ISLR2: variants seen among roughly 807,000 people sequenced by gnomAD.
ISLR2 encodes immunoglobulin superfamily containing leucine rich repeat 2.
A neutral mutation model predicts 25.5 loss-of-function variants in ISLR2; 16 were observed. The observed-to-expected ratio is 0.63, with a 90% CI of 0.43 to 0.95. The LOEUF is 0.95. Ranked by LOEUF, ISLR2 falls within the 40% of genes least tolerant of loss-of-function variation. The pLI, the probability that ISLR2 is intolerant of heterozygous loss-of-function variation, is 0.00. For synonymous variants in ISLR2, 508 were observed against 486.6 expected, an observed-to-expected ratio of 1.04 and a Z score of -0.58; for missense variants, 883 against 1,030.7, an observed-to-expected ratio of 0.86 and a Z score of 1.96.
chr15:74,125,405 C>T (rs2072287014), upstream of ISLR2, among the ~76,000 whole-genome samples: 1 of 151,974 alleles, frequency 6.6e-6, no homozygotes. Flanking sequence ...CCACGCCCAA[C>T]TAATTTAAAA....
At chr15:74,128,914 G>A (rs752842880), upstream of ISLR2, 1 of 377,944 alleles carries the variant, frequency 2.6e-6, no homozygotes, top group South Asian at 1.8e-5. Context: ...TGGCCCCGCC[G>A]TCTGCCTCCT....
upstream of ISLR2, chr15:74,129,230 C>T (rs2072352076): frequency 2.8e-6 from 1 of 360,106 alleles, no homozygotes; most frequent in Non-Finnish European, 5.5e-6. This position sits in a 1 kb window ranked among gnomAD's most constrained non-coding sequence, Gnocchi z 4.5. Context: ...GGGAGGGACG[C>T]TTGGAGTGTG....
chr15:74,136,949 T>G (rs551008828), downstream of ISLR2: 12 of 154,710 alleles, frequency 7.8e-5, no homozygotes, highest in Non-Finnish European at 1.0e-4. Flanking sequence ...TGTGATTTTT[T>G]TGCCAGGTGT....
Position 74,134,896 on chromosome 15 carries a change from G to A in ISLR2, c.2142G>A (p.Glu714=), listed in dbSNP as rs1434898934. The change falls in exon 3 of 3, where the codon GAG becomes GAA. Residue 714 remains glutamate, a synonymous_variant. Transcript: ENST00000453268. ...SQSKANQEEF[E]AGSEYSDRLP... ...CCAAGGCCAACCAAGAGGAGTTCGA[G>A]GCGGGCTCTGAGTACAGCGATCGGC... The A allele has an allele frequency of 2.5e-6, 4 of 1,613,994 alleles. No individual in the cohort carries two copies. The highest frequency in any genetic ancestry group is 3.4e-6 in the Non-Finnish European group (4 of 1,180,046).
intron 2 of ISLR2, among the ~76,000 whole-genome samples, chr15:74,112,529 CT>C (rs537213682): frequency 0.035 from 4,975 of 141,908 alleles, 106 homozygotes; most frequent in Non-Finnish European, 0.055. Context: ...TATGGGTCTG[CT>C]TTTTTTTTTT....
intron 2 of ISLR2, among the ~76,000 whole-genome samples, chr15:74,109,275 G>A (rs1215602842): frequency 1.3e-5 from 2 of 151,984 alleles, no homozygotes; most frequent in East Asian, 3.9e-4. Flanking sequence ...AACAGGCCAC[G>A]CATTGTGAGG....
chr15:74,113,507 T>C (rs2072186919), intron 2 of ISLR2, among the ~76,000 whole-genome samples: 1 of 152,232 alleles, frequency 6.6e-6, no homozygotes, highest in South Asian at 2.1e-4. Flanking sequence ...TCTCGCTTTT[T>C]CACACATCTA....
intron 2 of ISLR2, among the ~76,000 whole-genome samples, chr15:74,109,622 C>T (rs901269377): frequency 2.6e-5 from 4 of 152,170 alleles, no homozygotes; most frequent in African/African-American, 4.8e-5. Flanking sequence ...CGATTCTCAC[C>T]GGGAGGGCTT....
chr15:74,125,070 C>G (rs1221136500), upstream of ISLR2, among the ~76,000 whole-genome samples: 1 of 152,222 alleles, frequency 6.6e-6, no homozygotes, highest in Non-Finnish European at 1.5e-5. Flanking sequence ...CCCTGCCTCA[C>G]CCGGCCCTAC....
At position 74,134,356 on chromosome 15, in the gene ISLR2, A is replaced by G; in HGVS notation, c.1602A>G (p.Pro534=). ...RRPLRLLYLC[P]AGGGAAVQWS... is the part of the protein sequence containing the mutation. Reference sequence around the variant, plus strand: ...CCCTGCGCCTACTCTATCTGTGTCCAGCGGGGGGCGGCGCGGCAGTGCAGT... The same window carrying G: ...CCCTGCGCCTACTCTATCTGTGTCCGGCGGGGGGCGGCGCGGCAGTGCAGT... Residue 534 remains proline, a synonymous_variant, in exon 3 of 3, where the codon CCA becomes CCG. Transcript: ENST00000453268. 6.3e-7 allele frequency: 1 copy of G among 1,596,904 alleles called. No individual in the cohort carries two copies. The highest frequency in any genetic ancestry group is 8.5e-7 in the Non-Finnish European group (1 of 1,173,976).
rs202205145 is a variant in ISLR2, at chr15:74,133,194, C to T, written c.440C>T (p.Pro147Leu). 93 of 1,613,108 alleles carry T rather than the reference C, an allele frequency of 5.8e-5. No homozygotes were observed. The highest frequency in any genetic ancestry group is 7.4e-5 in the Non-Finnish European group (87 of 1,180,016). The change falls in exon 3 of 3, where the codon CCC becomes CTC. Residue 147 changes from proline to leucine, a missense_variant. By Grantham distance (98) the Pro-to-Leu change is moderately conservative. Transcript: ENST00000453268. ...CCCCGGGACGCACTCGGTGCGCTAC[C>T]CGACCTGCGTTCCCTGCGCATCAAC... ...SLPRDALGAL[P>L]DLRSLRINNN... is the part of the protein sequence containing the mutation.
At chr15:74,128,995 C>A (rs80172572), upstream of ISLR2, 13,979 of 456,688 alleles carry the variant, frequency 0.031, 305 homozygotes, top group Non-Finnish European at 0.044. Flanking sequence ...CTGGCTGTCC[C>A]ACCACAGGAT....
chr15:74,114,451 T>G (rs1238057702), intron 2 of ISLR2, among the ~76,000 whole-genome samples: 2 of 152,014 alleles, frequency 1.3e-5, no homozygotes, highest in Non-Finnish European at 2.9e-5. Flanking sequence ...TTAACTTCAC[T>G]GATAATAAGA....
intron 2 of ISLR2, among the ~76,000 whole-genome samples, chr15:74,107,696 C>T (rs186773291): frequency 5.4e-4 from 83 of 152,348 alleles, no homozygotes; most frequent in Admixed American, 1.6e-3. Context: ...AAACCCTCCA[C>T]GTCCTTGGGA....
intron 2 of ISLR2, among the ~76,000 whole-genome samples, chr15:74,119,977 A>G (rs891646198): frequency 1.3e-5 from 2 of 152,180 alleles, no homozygotes; most frequent in Admixed American, 6.5e-5. Flanking sequence ...CAGCCCTCCC[A>G]GGGCTCGGCC....
chr15:74,120,597 A>C (rs745324672), intron 2 of ISLR2, among the ~76,000 whole-genome samples: 4 of 151,530 alleles, frequency 2.6e-5, no homozygotes, highest in Non-Finnish European at 5.9e-5. Flanking sequence ...GGCTGGGTTT[A>C]CGGTGGTGCA....
chr15:74,102,394 C>A (rs2072087217), intron 1 of ISLR2, among the ~76,000 whole-genome samples: 1 of 136,070 alleles, frequency 7.3e-6, no homozygotes, highest in East Asian at 2.1e-4. Flanking sequence ...ATTAGACAGA[C>A]AAAATATTTA....
chr15:74,129,021 G>A, upstream of ISLR2: 1 of 456,716 alleles, frequency 2.2e-6, no homozygotes, highest in South Asian at 1.5e-5. The surrounding 1 kb of genome is among the most constrained non-coding windows in gnomAD (Gnocchi z 4.5). Flanking sequence ...GCAGGGACGG[G>A]TCACAGTGCT....
rs1386056088 is a variant in ISLR2, at chr15:74,134,228, G to C, written c.1474G>C (p.Asp492His). The change falls in exon 3 of 3, where the codon GAT (aspartate) becomes CAT (histidine). Residue 492 changes from aspartate (D) to histidine (H), a missense_variant. By Grantham distance (81) the Asp-to-His change is moderately conservative (BLOSUM62 -1). This residue lies in a region of ISLR2 where 612 missense variants were observed against 642.8 expected (regional missense o/e 0.95). Coordinates refer to ENST00000453268, the MANE Select transcript of ISLR2 (RefSeq NM_020851.3). ...HVFELGVIAL[D>H]VAEREARVQL... ...CTTCGAGCTGGGCGTCATCGCGCTGGATGTGGCGGAGCGCGAGGCGCGGGT... is the reference window on the plus strand; with the variant it reads ...CTTCGAGCTGGGCGTCATCGCGCTGCATGTGGCGGAGCGCGAGGCGCGGGT... 2 of 1,600,864 alleles carry C rather than the reference G, an allele frequency of 1.2e-6. No homozygotes were observed. The highest frequency in any genetic ancestry group is 2.3e-5 in the East Asian group (1 of 44,094).
Sources: gnomAD v4.1 joint callset for allele counts (sites outside exome capture counted in the v4.1 genomes callset) on GRCh38, gnomAD v4.1.1 for gene constraint, gnomAD v4.1.1 regional missense constraint, Gnocchi (gnomAD v3.1) non-coding constraint, MANE v1.5 for transcripts, NCBI Gene and HGNC (gene_info 2026-07-23, HGNC 2026-07-21) for gene names.